CDH4: variants seen among roughly 807,000 people sequenced by gnomAD.
CDH4 encodes the protein cadherin 4, also known as cadherin-4.
Under a neutral mutation model 86.0 loss-of-function variants are expected in CDH4, and 33 were observed. That is an observed-to-expected ratio of 0.38 (90% CI 0.29 to 0.51). The LOEUF is 0.51. CDH4 is among the 20% of genes least tolerant of loss of function. CDH4 has a pLI of 0.86. For synonymous variants in CDH4, 555 were observed against 549.4 expected, an observed-to-expected ratio of 1.01 and a Z score of -0.14; for missense variants, 1,114 against 1,307.4, an observed-to-expected ratio of 0.85 and a Z score of 2.28.
rs1568822378 is a variant in CDH4, at chr20:61,383,274, AATATATGATATATATGAAT to A, written c.169+128342_169+128360del. Among the ~76,000 whole-genome samples the A allele has an allele frequency of 2.0e-4, 11 of 56,296 alleles. 2 individuals are homozygous for A. Among genetic ancestry groups the A allele is most frequent in the African/African-American group, 2.7e-4 (3 of 10,968 alleles). The allele number at this position is 56,296 out of a possible 152,430, so 36.9% of individuals were successfully genotyped here. On this transcript the variant is annotated intron_variant, in intron 2 of 15. Transcript: ENST00000614565. ...TATATGAATATATGTGATATATATG[AATATATGATATATATGAAT>A]ATATGTGATATATATGAATATATGT...
chr20:61,339,559 G>T (rs760326750), intron 2 of CDH4, among the ~76,000 whole-genome samples: 1 of 152,032 alleles, frequency 6.6e-6, no homozygotes, highest in Non-Finnish European at 1.5e-5. Context: ...TGAAGAGATC[G>T]TACATACTTT....
chr20:61,675,288 C>T (rs11907236), intron 2 of CDH4, among the ~76,000 whole-genome samples: 293 of 149,092 alleles, frequency 2.0e-3, no homozygotes, highest in African/African-American at 6.2e-3. Context: ...CAAGCACTCC[C>T]ATGGAAACAA....
chr20:61,282,096 C>T (rs186850339), intron 2 of CDH4, among the ~76,000 whole-genome samples: 4 of 152,304 alleles, frequency 2.6e-5, no homozygotes, highest in East Asian at 1.9e-4. Context: ...TGGTGGCTCA[C>T]GCCTGTAATC....
intron 2 of CDH4, among the ~76,000 whole-genome samples, chr20:61,413,560 A>G (rs2085131336): frequency 6.6e-6 from 1 of 152,124 alleles, no homozygotes; most frequent in Non-Finnish European, 1.5e-5. Context: ...TCTTGTGCCT[A>G]ACACACCCCC....
intron 4 of CDH4, among the ~76,000 whole-genome samples, chr20:61,805,281 T>C (rs1210176299): frequency 1.3e-5 from 2 of 152,190 alleles, no homozygotes; most frequent in African/African-American, 2.4e-5. Context: ...CCTGGGGTGC[T>C]GTCCCCAGAA....
intron 2 of CDH4, among the ~76,000 whole-genome samples, chr20:61,639,205 G>T (rs1206842389): frequency 6.6e-6 from 1 of 152,226 alleles, no homozygotes; most frequent in East Asian, 1.9e-4. Flanking sequence ...GATGTATCAT[G>T]TAGGGCCTGC....
At chr20:61,745,028 T>C (rs2145945440) in intron 3 of CDH4, among the ~76,000 whole-genome samples, 1 of 152,270 alleles carries the variant, frequency 6.6e-6, no homozygotes, top group East Asian at 1.9e-4. Flanking sequence ...GTGGAAAGAA[T>C]GTGTGCCAAC....
At chr20:61,612,146 A>G (rs1187293416) in intron 2 of CDH4, among the ~76,000 whole-genome samples, 1 of 152,134 alleles carries the variant, frequency 6.6e-6, no homozygotes, top group Non-Finnish European at 1.5e-5. Context: ...ATAATTTAAT[A>G]TACTCGTATA....
intron 2 of CDH4, among the ~76,000 whole-genome samples, chr20:61,366,900 G>C (rs928135619): frequency 5.9e-5 from 9 of 152,212 alleles, no homozygotes; most frequent in Admixed American, 2.0e-4. Context: ...AAACGGTAAA[G>C]GAAGAAAACC....
intron 3 of CDH4, among the ~76,000 whole-genome samples, chr20:61,747,303 C>A (rs2088426523): frequency 6.6e-6 from 1 of 151,984 alleles, no homozygotes; most frequent in Non-Finnish European, 1.5e-5. Context: ...ATAAAATTAG[C>A]CGGGCGTAGT....
chr20:61,777,993 C>T (rs1568810336), intron 4 of CDH4, among the ~76,000 whole-genome samples: 1 of 152,266 alleles, frequency 6.6e-6, no homozygotes, highest in Admixed American at 6.5e-5. Context: ...TGCACACACA[C>T]GTGCACACTA....
chr20:61,531,224 T>C (rs781338158), intron 2 of CDH4, among the ~76,000 whole-genome samples: 1 of 152,098 alleles, frequency 6.6e-6, no homozygotes, highest in African/African-American at 2.4e-5. Context: ...GTAATTTCAG[T>C]ACCTTGGGAG....
chr20:61,859,690 A>C (rs1983228862), intron 6 of CDH4, among the ~76,000 whole-genome samples: 1 of 152,256 alleles, frequency 6.6e-6, no homozygotes, highest in Non-Finnish European at 1.5e-5. Context: ...ACATCTTTGC[A>C]GGACATCCAT....
chr20:61,341,176 G>A (rs547005694), intron 2 of CDH4, among the ~76,000 whole-genome samples: 68 of 152,322 alleles, frequency 4.5e-4, no homozygotes, highest in African/African-American at 1.5e-3. Flanking sequence ...TGTGAGTGCT[G>A]TTGCAGTGTG....
chr20:61,653,497 T>A (rs1325607266), intron 2 of CDH4, among the ~76,000 whole-genome samples: 5 of 134,542 alleles, frequency 3.7e-5, no homozygotes, highest in African/African-American at 5.3e-5. Context: ...GGCTCCTCAC[T>A]TCCCAGTAGG....
chr20:61,765,707 G>A (rs770047903), intron 3 of CDH4, among the ~76,000 whole-genome samples: 9 of 152,130 alleles, frequency 5.9e-5, no homozygotes, highest in African/African-American at 1.2e-4. Flanking sequence ...CAGCAAGACC[G>A]GGGCCAGGAG....
intron 2 of CDH4, among the ~76,000 whole-genome samples, chr20:61,284,768 T>C (rs972575502): frequency 6.6e-6 from 1 of 152,340 alleles, no homozygotes; most frequent in East Asian, 1.9e-4. Flanking sequence ...AATGGGGCTT[T>C]CTAGGGCCTG....
chr20:61,549,695 C>T (rs890249025), intron 2 of CDH4, among the ~76,000 whole-genome samples: 17 of 152,292 alleles, frequency 1.1e-4, no homozygotes, highest in Middle Eastern at 3.4e-3. Context: ...TTATGTGCAC[C>T]GCTGGGGGCC....
chr20:61,568,927 G>T (rs574131495), intron 2 of CDH4, among the ~76,000 whole-genome samples: 2 of 152,008 alleles, frequency 1.3e-5, no homozygotes, highest in East Asian at 1.9e-4. Flanking sequence ...AGTCAAAGGT[G>T]CATCTTCAGT....
Sources: gnomAD v4.1 joint callset for allele counts (sites outside exome capture counted in the v4.1 genomes callset) on GRCh38, gnomAD v4.1.1 for gene constraint, MANE v1.5 for transcripts, NCBI Gene and HGNC (gene_info 2026-07-23, HGNC 2026-07-21) for gene names.